CELSR1: variants seen among roughly 807,000 people sequenced by gnomAD.
The protein encoded by CELSR1 is adhesion G protein-coupled receptor C1.
Under a neutral mutation model 249.1 loss-of-function variants are expected in CELSR1, and 110 were observed. The observed-to-expected ratio is 0.44, with a 90% confidence interval of 0.38 to 0.52. The LOEUF (loss-of-function observed/expected upper bound fraction) is 0.52. Ranked by LOEUF, CELSR1 falls within the 20% of genes least tolerant of loss-of-function variation. The pLI is 0.00. For synonymous variants in CELSR1, 2,113 were observed against 1,900.0 expected (o/e 1.11, Z -2.92); for missense variants, 4,109 against 4,296.4 (o/e 0.96, Z 1.22).
In CELSR1 at chr22:46,393,697, C is replaced by A. The variant is rs1185403529; in HGVS notation, c.5964+445G>T. ...AGGCTGCAGTGAGCCGAGATCGCAC[C>A]ACTGCACTCCAGCCTGGGCGACACA... On this transcript the variant is annotated intron_variant, in intron 14 of 34. Coordinates refer to ENST00000674500, the MANE Select transcript of CELSR1 (RefSeq NM_001378328.1). This position sits in a 1 kb window ranked among gnomAD's most constrained non-coding sequence, Gnocchi z 4.1. Among the ~76,000 whole-genome samples, 1 of 150,540 alleles carries A rather than the reference C, an allele frequency of 6.6e-6. No homozygotes were observed. Among genetic ancestry groups the A allele is most frequent in the Non-Finnish European group, 1.5e-5 (1 of 67,804 alleles).
At chr22:46,529,742 G>A (rs1274884489) in intron 1 of CELSR1, among the ~76,000 whole-genome samples, 1 of 151,830 alleles carries the variant, frequency 6.6e-6, no homozygotes, top group Admixed American at 6.6e-5. Flanking sequence ...GGTAGAGGTT[G>A]CAGTGAGCCG....
rs549711682 is a variant in CELSR1, at chr22:46,391,979, C to T, written c.5965-163G>A. 1.3e-5 allele frequency among the ~76,000 whole-genome samples: 2 copies of T among 152,216 alleles called. No individual in the cohort carries two copies. Among genetic ancestry groups the T allele is most frequent in the South Asian group, 4.1e-4 (2 of 4,838 alleles). On this transcript the variant is annotated intron_variant, in intron 14 of 34. Transcript: ENST00000674500. The surrounding 1 kb of genome is among the most constrained non-coding windows in gnomAD (Gnocchi z 4.3). Reference sequence around the variant, plus strand: ...CCCTCTGCCCACATCCCACACCCAACGGGGGCTGCCTCCCAAGGCCCCACA... The same window carrying T: ...CCCTCTGCCCACATCCCACACCCAATGGGGGCTGCCTCCCAAGGCCCCACA...
At chr22:46,405,473 A>AC (rs1272532996) in intron 9 of CELSR1, among the ~76,000 whole-genome samples, 1 of 152,096 alleles carries the variant, frequency 6.6e-6, no homozygotes. Context: ...AAAAAAAAAA[A>AC]AAAAAAAATT....
Position 46,372,984 on chromosome 22 carries a change from C to G in CELSR1, c.7658G>C (p.Ser2553Thr). Residue 2553 changes from serine to threonine, a missense_variant, in exon 25 of 35, where the codon AGC (serine) becomes ACC (threonine). Ser to Thr is a moderately conservative substitution (Grantham distance 58). Coordinates refer to ENST00000674500, the MANE Select transcript of CELSR1 (RefSeq NM_001378328.1). The stretch of plus-strand genomic sequence containing the variant: ...GGTCAGCATGCGGTAGACATGCAGG[C>G]TCTCCACGAGGGTCCAGGCAAAGGT... ...MSTFAWTLVE[S>T]LHVYRMLTEV... The G allele has an allele frequency of 6.2e-7, 1 of 1,613,312 alleles. No homozygotes were observed. The highest frequency in any genetic ancestry group is 8.5e-7 in the Non-Finnish European group (1 of 1,179,870).
rs752568738 is a variant in CELSR1 at position 46,536,217 on chromosome 22, C to A, written c.954G>T (p.Thr318=). 21 of 1,612,518 alleles carry A rather than the reference C, an allele frequency of 1.3e-5. No individual in the cohort carries two copies. In the South Asian group the frequency reaches 1.4e-4, roughly 11 times the overall value. The part of the protein sequence containing the change: ...DSVLDRETKE[T]HVLRVKAVDY... ...CCACGGCTTTCACCCTGAGGACGTG[C>A]GTCTCCTTGGTCTCGCGGTCCAGTA... Residue 318 remains threonine, a synonymous_variant, in exon 1 of 35, where the codon ACG becomes ACT. Transcript: ENST00000674500.
chr22:46,452,781 T>C (rs1464558876), intron 2 of CELSR1, among the ~76,000 whole-genome samples: 2 of 152,222 alleles, frequency 1.3e-5, no homozygotes, highest in African/African-American at 2.4e-5. Context: ...CAACACTTCC[T>C]GGTCCTGGAG....
chr22:46,414,030 C>T (rs1569145939), intron 5 of CELSR1, among the ~76,000 whole-genome samples: 1 of 152,152 alleles, frequency 6.6e-6, no homozygotes, highest in East Asian at 1.9e-4. Context: ...TAATCAATGG[C>T]TCAGAGCTAC....
intron 5 of CELSR1, among the ~76,000 whole-genome samples, chr22:46,416,621 C>T (rs1414348493): frequency 1.3e-5 from 2 of 152,208 alleles, no homozygotes; most frequent in East Asian, 1.9e-4. Flanking sequence ...GCCACATGCT[C>T]ACTCCTGCAG....
intron 5 of CELSR1, among the ~76,000 whole-genome samples, chr22:46,424,622 C>T (rs2079516890): frequency 6.6e-6 from 1 of 152,172 alleles, no homozygotes; most frequent in Admixed American, 6.5e-5. Flanking sequence ...CCTCCTGTCC[C>T]CAGCCCAATC....
At position 46,412,381 on chromosome 22, in the gene CELSR1, C is replaced by T. The variant is rs1419060943; in HGVS notation, c.4612-622G>A. 3.3e-5 allele frequency among the ~76,000 whole-genome samples: 5 copies of T among 152,288 alleles called. No homozygotes were observed. In the East Asian group the frequency reaches 5.8e-4, roughly 18 times the overall value. The stretch of plus-strand genomic sequence containing the variant: ...TCCTGGGGCCCCTCCTGTGAACACC[C>T]GCTTCTGCTCTTCTGGGGGTGTCCT... On this transcript the variant is annotated intron_variant, in intron 5 of 34. Coordinates refer to ENST00000674500, the MANE Select transcript of CELSR1 (RefSeq NM_001378328.1). The surrounding 1 kb of genome is among the most constrained non-coding windows in gnomAD (Gnocchi z 4.5).
rs1013875995 is a variant in CELSR1, at chr22:46,406,531, C to T, written c.5226+2465G>A. Among the ~76,000 whole-genome samples the T allele has an allele frequency of 1.3e-5, 2 of 152,216 alleles. No individual in the cohort carries two copies. The highest frequency in any genetic ancestry group is 4.8e-5 in the African/African-American group (2 of 41,452). On this transcript the variant is annotated intron_variant, in intron 9 of 34. Transcript: ENST00000674500. This position sits in a 1 kb window ranked among gnomAD's most constrained non-coding sequence, Gnocchi z 5.4. ...GACCTCCACCAGCCTGCTGGGAGCA[C>T]TCTCGGTCCTGCCCCCGCCACACTC... is the stretch of plus-strand genomic sequence containing the variant.
chr22:46,477,840 C>T lies in CELSR1; in HGVS notation c.3545-13495G>A, dbSNP rs180806652. ...TTAAGATAAGAAGAAAAAGGAGGAA[C>T]CCCCGGGCTTCAGCTTCCAGGACAG... On this transcript the variant is annotated intron_variant, in intron 1 of 34. Coordinates refer to ENST00000674500, the MANE Select transcript of CELSR1 (RefSeq NM_001378328.1). 1.4e-3 allele frequency among the ~76,000 whole-genome samples: 214 copies of T among 152,194 alleles called. 1 individual carries two copies. The highest frequency in any genetic ancestry group is 2.2e-3 in the Non-Finnish European group (150 of 67,992).
intron 9 of CELSR1, 124 bp from the exon 10 acceptor site, chr22:46,400,026 G>A (rs1409033731): frequency 9.4e-7 from 1 of 1,067,028 alleles, no homozygotes; most frequent in Non-Finnish European, 1.3e-6. Flanking sequence ...ATACAAGATA[G>A]GCTTAAAAAT....
In CELSR1 at chr22:46,534,971, C is replaced by A; in HGVS notation, c.2200G>T (p.Ala734Ser). ...CCGCCCCCTCTCTGGCTGCTGAGTG[C>A]AAAGCGGTTCCGGGTGTTGCCGCCT... is the stretch of plus-strand genomic sequence containing the variant. Reference protein sequence around the residue: ...LTGGNTRNRFALSSQRGGGLI... With the variant: ...LTGGNTRNRFSLSSQRGGGLI... Residue 734 changes from alanine (A) to serine (S), a missense_variant, in exon 1 of 35, where the codon GCA becomes TCA. Coordinates refer to ENST00000674500, the MANE Select transcript of CELSR1 (RefSeq NM_001378328.1). This position sits in a 1 kb window ranked among gnomAD's most constrained non-coding sequence, Gnocchi z 9.7. 1 of 1,612,254 alleles carries A rather than the reference C, an allele frequency of 6.2e-7. No homozygotes were observed. Among genetic ancestry groups the A allele is most frequent in the South Asian group, 1.1e-5 (1 of 91,064 alleles).
At chr22:46,458,549 T>C (rs2079983330) in intron 2 of CELSR1, among the ~76,000 whole-genome samples, 2 of 152,110 alleles carry the variant, frequency 1.3e-5, no homozygotes, top group African/African-American at 4.8e-5. Flanking sequence ...TGTGAGCCCG[T>C]GGGCTGAAAT....
At chr22:46,366,972 G>T (rs376208617) in intron 29 of CELSR1, 21 bp downstream of exon 29, 3 of 1,602,896 alleles carry the variant, frequency 1.9e-6, no homozygotes, top group Non-Finnish European at 2.5e-6. Flanking sequence ...CCAGTCCCGC[G>T]GTGTCCCCGG....
intron 5 of CELSR1, among the ~76,000 whole-genome samples, chr22:46,421,879 G>A (rs115492450): frequency 0.01 from 1,529 of 152,314 alleles, 35 homozygotes; most frequent in African/African-American, 0.034. Flanking sequence ...GACCTTTCAC[G>A]CAGCCACGGA....
chr22:46,501,263 G>A (rs2080464075), intron 1 of CELSR1, among the ~76,000 whole-genome samples: 1 of 145,628 alleles, frequency 6.9e-6, no homozygotes, highest in Non-Finnish European at 1.5e-5. Flanking sequence ...CTGGAGTGCA[G>A]TGGTGTGATC....
intron 5 of CELSR1, among the ~76,000 whole-genome samples, chr22:46,414,699 G>A (rs2079379072): frequency 6.6e-6 from 1 of 152,268 alleles, no homozygotes; most frequent in South Asian, 2.1e-4. Flanking sequence ...ACACGGTGCT[G>A]TGGGTGACCT....
Sources: gnomAD v4.1 joint callset for allele counts (sites outside exome capture counted in the v4.1 genomes callset) on GRCh38, gnomAD v4.1.1 for gene constraint, Gnocchi (gnomAD v3.1) non-coding constraint, MANE v1.5 for transcripts, NCBI Gene and HGNC (gene_info 2026-07-23, HGNC 2026-07-21) for gene names.